Variants in ERBB4 observed in about 807,000 individuals in gnomAD.
The protein encoded by ERBB4 is receptor tyrosine-protein kinase erbB-4.
A neutral mutation model predicts 158.0 loss-of-function variants in ERBB4; 42 were observed. The ratio of observed to expected loss-of-function variants is 0.27; its 90% CI spans 0.21 to 0.34. The LOEUF (loss-of-function observed/expected upper bound fraction) is 0.34, where lower values mean the gene tolerates loss of function less well. Among genes scored for constraint, ERBB4 ranks in the 10% least tolerant of loss-of-function variants. The pLI, the probability that ERBB4 is intolerant of heterozygous loss-of-function variation, is 1.00. For missense variants in ERBB4, 1,333 were observed against 1,624.1 expected, an observed-to-expected ratio of 0.82 and a Z score of 3.08; for synonymous variants, 583 against 558.7, an observed-to-expected ratio of 1.04 and a Z score of -0.61.
intron 1 of ERBB4, among the ~76,000 whole-genome samples, chr2:212,503,920 G>A (rs1373706447): frequency 6.6e-6 from 1 of 152,130 alleles, no homozygotes; most frequent in Non-Finnish European, 1.5e-5. Context: ...TAAGAGTAAG[G>A]TGAAATACTA....
intron 1 of ERBB4, among the ~76,000 whole-genome samples, chr2:212,321,552 A>C (rs2087568124): frequency 6.6e-6 from 1 of 150,530 alleles, no homozygotes; most frequent in African/African-American, 2.4e-5. Flanking sequence ...CATTTTGATT[A>C]GCTGGGCATT....
At chr2:211,597,031 G>A (rs1328387186) in intron 19 of ERBB4, among the ~76,000 whole-genome samples, 5 of 152,058 alleles carry the variant, frequency 3.3e-5, no homozygotes, top group African/African-American at 1.2e-4. Flanking sequence ...TTCCCAAAGT[G>A]CTGGGAATAC....
At chr2:212,003,561 A>G (rs2076191059) in intron 2 of ERBB4, among the ~76,000 whole-genome samples, 1 of 152,050 alleles carries the variant, frequency 6.6e-6, no homozygotes, top group Non-Finnish European at 1.5e-5. Flanking sequence ...CAAGTAACAA[A>G]AGGATCAGAG....
intron 1 of ERBB4, among the ~76,000 whole-genome samples, chr2:212,199,767 C>T (rs2082537193): frequency 6.6e-6 from 1 of 151,734 alleles, no homozygotes; most frequent in Non-Finnish European, 1.5e-5. Context: ...TCACAATATC[C>T]AGCTCATATT....
intron 1 of ERBB4, among the ~76,000 whole-genome samples, chr2:212,315,142 T>C (rs1262996113): frequency 6.6e-6 from 1 of 151,354 alleles, no homozygotes; most frequent in East Asian, 2.0e-4. Flanking sequence ...TTTAATTTTT[T>C]TTAATATTTG....
chr2:211,397,992 C>T (rs940705321), intron 25 of ERBB4, among the ~76,000 whole-genome samples: 7 of 152,272 alleles, frequency 4.6e-5, no homozygotes, highest in East Asian at 1.9e-4. Context: ...CAGAATACCA[C>T]GTCATACCCA....
chr2:212,136,427 A>C lies in ERBB4; in HGVS notation c.83-11524T>G, dbSNP rs142911037. ...AAATGAGAAATAGCAAGAGTGAAAC[A>C]TTGTACTATTGTCACCCCATGCTTG... On this transcript the variant is annotated intron_variant, in intron 1 of 27. Coordinates refer to ENST00000342788, the MANE Select transcript of ERBB4 (RefSeq NM_005235.3). 5.8e-4 allele frequency among the ~76,000 whole-genome samples: 88 copies of C among 152,328 alleles called. No individual in the cohort carries two copies. In the Middle Eastern group the frequency reaches 0.014, roughly 24 times the overall value.
At chr2:212,003,202 A>ACGG (rs1559293733) in intron 2 of ERBB4, among the ~76,000 whole-genome samples, 13 of 55,446 alleles carry the variant, frequency 2.3e-4, no homozygotes, top group African/African-American at 5.8e-4. Flanking sequence ...AGAAAGAAAG[A>ACGG]AAGACAGAAA....
intron 3 of ERBB4, among the ~76,000 whole-genome samples, chr2:211,910,595 G>A (rs1048217567): frequency 2.0e-5 from 3 of 151,862 alleles, no homozygotes; most frequent in Non-Finnish European, 4.4e-5. Flanking sequence ...GTGGGAAGAT[G>A]GAGAGGGTAA....
chr2:211,410,889 C>A (rs924421463), intron 25 of ERBB4, among the ~76,000 whole-genome samples: 1 of 151,830 alleles, frequency 6.6e-6, no homozygotes, highest in African/African-American at 2.4e-5. Context: ...GTAAAAAAAA[C>A]CTTTGTTTTT....
chr2:212,365,068 G>C (rs1222362840), intron 1 of ERBB4, among the ~76,000 whole-genome samples: 2 of 150,904 alleles, frequency 1.3e-5, no homozygotes, highest in Admixed American at 6.6e-5. Flanking sequence ...AAAATTTCTG[G>C]TCATTTAATT....
At chr2:211,661,194 G>A (rs1029328973) in intron 15 of ERBB4, among the ~76,000 whole-genome samples, 1 of 152,122 alleles carries the variant, frequency 6.6e-6, no homozygotes, top group Admixed American at 6.5e-5. Flanking sequence ...TATGACTGAA[G>A]TGGCACCATT....
In ERBB4 at chr2:212,427,297, G is replaced by A. The variant is rs137985472; in HGVS notation, c.82+111152C>T. ...TTGCTCATTTGCAAATGAAAGGCAA[G>A]GGTGAGAGTTTAAGGTAGAGATGAC... On this transcript the variant is annotated intron_variant, in intron 1 of 27. Coordinates refer to ENST00000342788, the MANE Select transcript of ERBB4 (RefSeq NM_005235.3). Among the ~76,000 whole-genome samples the A allele has an allele frequency of 3.7e-3, 561 of 152,270 alleles. 21 individuals are homozygous for A. The highest frequency in any genetic ancestry group is 0.035 in the Admixed American group (541 of 15,268).
At chr2:212,284,613 T>C (rs2085888860) in intron 1 of ERBB4, among the ~76,000 whole-genome samples, 1 of 152,134 alleles carries the variant, frequency 6.6e-6, no homozygotes, top group Non-Finnish European at 1.5e-5. Flanking sequence ...TAGCTCATGT[T>C]TTTGAAGTAT....
intron 1 of ERBB4, among the ~76,000 whole-genome samples, chr2:212,292,710 G>A (rs2086253105): frequency 1.3e-5 from 2 of 152,014 alleles, no homozygotes; most frequent in Non-Finnish European, 2.9e-5. Flanking sequence ...TATGGATTAT[G>A]GCACTGTATT....
intron 1 of ERBB4, among the ~76,000 whole-genome samples, chr2:212,482,110 T>G (rs1689733787): frequency 1.3e-5 from 2 of 152,256 alleles, no homozygotes; most frequent in African/African-American, 4.8e-5. Context: ...TTTCAAACTG[T>G]GTTGACACTG....
intron 16 of ERBB4, among the ~76,000 whole-genome samples, chr2:211,650,766 GTATT>G (rs2070951655): frequency 6.6e-6 from 1 of 152,074 alleles, no homozygotes; most frequent in Admixed American, 6.6e-5. Flanking sequence ...GAAATTAATT[GTATT>G]TATTTACCCA....
At chr2:212,013,851 C>T (rs889147098) in intron 2 of ERBB4, among the ~76,000 whole-genome samples, 4 of 152,182 alleles carry the variant, frequency 2.6e-5, no homozygotes, top group African/African-American at 7.2e-5. Flanking sequence ...GGAACCATGG[C>T]CCTGCCAACA....
chr2:211,874,096 C>T (rs974688779), intron 3 of ERBB4, among the ~76,000 whole-genome samples: 1 of 152,016 alleles, frequency 6.6e-6, no homozygotes. Flanking sequence ...GGCTGGGAGA[C>T]TGAGTCTGCA....
Sources: gnomAD v4.1 joint callset for allele counts (sites outside exome capture counted in the v4.1 genomes callset) on GRCh38, gnomAD v4.1.1 for gene constraint, MANE v1.5 for transcripts, NCBI Gene and HGNC (gene_info 2026-07-23, HGNC 2026-07-21) for gene names.